LIX1: variants seen among roughly 807,000 people sequenced by gnomAD.
The protein encoded by LIX1 is protein limb expression 1 homolog.
A neutral mutation model predicts 33.4 loss-of-function variants in LIX1; 24 were observed. The ratio of observed to expected loss-of-function variants is 0.72; its 90% CI spans 0.52 to 1.01. The LOEUF (loss-of-function observed/expected upper bound fraction) is 1.01, where lower values mean the gene tolerates loss of function less well. Among genes scored for constraint, LIX1 ranks in the 50% least tolerant of loss-of-function variants. The pLI, the probability that LIX1 is intolerant of heterozygous loss-of-function variation, is 0.00. For missense variants in LIX1, 311 were observed against 339.2 expected (o/e 0.92, Z 0.65); for synonymous variants, 124 against 124.0 (o/e 1.00, Z 0.00).
rs1476549137 is a variant in LIX1, at chr5:97,094,947, G to A, written c.650C>T (p.Ser217Leu). 5 of 1,614,030 alleles carry A rather than the reference G, an allele frequency of 3.1e-6. No homozygotes were observed. Among genetic ancestry groups the A allele is most frequent in the Non-Finnish European group, 3.4e-6 (4 of 1,180,040 alleles). The change falls in exon 6 of 6, where the codon TCA (serine) becomes TTA (leucine). Residue 217 changes from serine (S) to leucine (L), a missense_variant. By Grantham distance (145) the Ser-to-Leu change is moderately radical. Coordinates refer to ENST00000274382, the MANE Select transcript of LIX1 (RefSeq NM_153234.5). ...ALDWIMKERDSPGIVSQELRM... is the reference protein window; with the variant it reads ...ALDWIMKERDLPGIVSQELRM... ...TAGCTCTTGAGAGACAATTCCTGGT[G>A]AGTCCCGCTCCTTCATGATCCAGTC...
chr5:97,096,964 A>G (rs1746413517), intron 4 of LIX1, 77 bp from the exon 5 acceptor site: 1 of 1,033,228 alleles, frequency 9.7e-7, no homozygotes, highest in African/African-American at 1.6e-5. Flanking sequence ...GCATAACTCT[A>G]ATTCCCAAAT....
rs144706618 is a variant in LIX1 at position 97,132,821 on chromosome 5, T to C, written c.83-8192A>G. 2.4e-3 allele frequency among the ~76,000 whole-genome samples: 363 copies of C among 152,242 alleles called. 1 individual carries two copies. The highest frequency in any genetic ancestry group is 8.5e-3 in the African/African-American group (355 of 41,526). On this transcript the variant is annotated intron_variant, in intron 1 of 5. Transcript: ENST00000274382. ...ATCTGGGTGAGCCCAAGGTAGAACATTTCTCTGAGAGGGGCCTGGACAGAA... is the reference window on the plus strand; with the variant it reads ...ATCTGGGTGAGCCCAAGGTAGAACACTTCTCTGAGAGGGGCCTGGACAGAA...
At chr5:97,105,911 G>A (rs964281769) in intron 3 of LIX1, among the ~76,000 whole-genome samples, 10 of 152,214 alleles carry the variant, frequency 6.6e-5, no homozygotes, top group Non-Finnish European at 1.3e-4. Context: ...CGTGGCTTTT[G>A]GGCCAGCCCT....
intron 1 of LIX1, among the ~76,000 whole-genome samples, chr5:97,129,443 G>T (rs1748006135): frequency 6.6e-6 from 1 of 151,998 alleles, no homozygotes. Context: ...ATGCCTTGCT[G>T]TAGGAAGAAG....
intron 4 of LIX1, among the ~76,000 whole-genome samples, chr5:97,100,099 A>G (rs923554145): frequency 6.6e-5 from 10 of 152,088 alleles, no homozygotes; most frequent in African/African-American, 2.4e-4. Flanking sequence ...TCTTTTTCTT[A>G]TCTATACACT....
At chr5:97,111,762 A>G (rs933703126) in intron 2 of LIX1, among the ~76,000 whole-genome samples, 2 of 152,224 alleles carry the variant, frequency 1.3e-5, no homozygotes, top group Non-Finnish European at 2.9e-5. Context: ...AAATAAGACC[A>G]GTTAAGTACT....
chr5:97,130,725 A>G (rs1748036992), intron 1 of LIX1, among the ~76,000 whole-genome samples: 1 of 152,238 alleles, frequency 6.6e-6, no homozygotes, highest in African/African-American at 2.4e-5. Flanking sequence ...GTTAGGAGGA[A>G]TATTAATAAT....
At chr5:97,111,347 G>T (rs75568157) in intron 2 of LIX1, among the ~76,000 whole-genome samples, 1 of 151,972 alleles carries the variant, frequency 6.6e-6, no homozygotes, top group Non-Finnish European at 1.5e-5. Context: ...TTAAATGAGC[G>T]CAATTTCAAT....
intron 1 of LIX1, among the ~76,000 whole-genome samples, chr5:97,125,463 A>G (rs1747893502): frequency 6.6e-6 from 1 of 152,230 alleles, no homozygotes; most frequent in Non-Finnish European, 1.5e-5. Context: ...AGCATTCCTG[A>G]CAGCTGCTCA....
chr5:97,132,008 T>C (rs1748066215), intron 1 of LIX1, among the ~76,000 whole-genome samples: 2 of 152,212 alleles, frequency 1.3e-5, no homozygotes, highest in African/African-American at 4.8e-5. Flanking sequence ...CTTAGGAAAC[T>C]CCTGAACAGG....
intron 1 of LIX1, among the ~76,000 whole-genome samples, chr5:97,141,480 G>T (rs773621101): frequency 2.6e-5 from 4 of 152,148 alleles, no homozygotes; most frequent in Non-Finnish European, 5.9e-5. Flanking sequence ...AAAATTTATA[G>T]AATTAAATGG....
At chr5:97,113,086 A>G (rs1452104944) in intron 2 of LIX1, among the ~76,000 whole-genome samples, 3 of 152,218 alleles carry the variant, frequency 2.0e-5, no homozygotes, top group African/African-American at 4.8e-5. Flanking sequence ...CAAGAGGAAA[A>G]GTCACTGCCT....
chr5:97,109,999 G>A (rs956342834), intron 2 of LIX1, among the ~76,000 whole-genome samples: 10 of 152,212 alleles, frequency 6.6e-5, no homozygotes, highest in African/African-American at 2.4e-4. Flanking sequence ...AGGCACTTAG[G>A]TTGGTTCCAT....
rs1257063812 is a variant in LIX1, at chr5:97,092,136, C to A, written c.*2612G>T. ...TGACAGTGTATGTTGTGTTCAAAAT[C>A]AACAGTTCTAAACAAGAATCTAAAG... On this transcript the variant is annotated 3_prime_UTR_variant, in exon 6 of 6. Coordinates refer to ENST00000274382, the MANE Select transcript of LIX1 (RefSeq NM_153234.5). 1 of 152,076 alleles carries A rather than the reference C, an allele frequency of 6.6e-6. No individual in the cohort carries two copies. The highest frequency in any genetic ancestry group is 2.1e-4 in the South Asian group (1 of 4,830). The allele number at this position is 152,076 out of a possible 1,614,324, so 9.4% of individuals were successfully genotyped here. A position where few individuals can be genotyped will look rare whatever the true frequency, so the allele number is the denominator to read the frequency against.
In LIX1 at chr5:97,131,309, C is replaced by T. The variant is rs1748051729; in HGVS notation, c.83-6680G>A. On this transcript the variant is annotated intron_variant, in intron 1 of 5. Transcript: ENST00000274382. Reference sequence around the variant, plus strand: ...TTTTGAGTGTTGTGTCCTTTCCCTCCCTTCCTTCTATCCAGCTTACTCCCA... The same window carrying T: ...TTTTGAGTGTTGTGTCCTTTCCCTCTCTTCCTTCTATCCAGCTTACTCCCA... Among the ~76,000 whole-genome samples, 3 of 152,116 alleles carry T rather than the reference C, an allele frequency of 2.0e-5. No individual in the cohort carries two copies. In the South Asian group the frequency reaches 6.2e-4, roughly 32 times the overall value.
At chr5:97,101,563 C>T (rs1265248802) in intron 4 of LIX1, among the ~76,000 whole-genome samples, 3 of 152,164 alleles carry the variant, frequency 2.0e-5, no homozygotes, top group Admixed American at 6.5e-5. Flanking sequence ...CTTTCCTCTT[C>T]GGGGAAAATT....
chr5:97,135,459 T>A (rs1371809034), intron 1 of LIX1, among the ~76,000 whole-genome samples: 1 of 152,222 alleles, frequency 6.6e-6, no homozygotes, highest in Non-Finnish European at 1.5e-5. Context: ...ATGTACCCTA[T>A]TTATCCAATC....
chr5:97,142,572 T>C lies in LIX1; in HGVS notation c.5A>G (p.Asp2Gly). M[D>G]RTLESLRHII... ...GTGTCTCAGAGATTCCAAGGTTCTG[T>C]CCATCTTGGGTCTGCCTGTGTGAGC... The change falls in exon 1 of 6, where the codon GAC (aspartate) becomes GGC (glycine). Residue 2 changes from aspartate to glycine, a missense_variant. Coordinates refer to ENST00000274382, the MANE Select transcript of LIX1 (RefSeq NM_153234.5). 1 of 1,613,856 alleles carries C rather than the reference T, an allele frequency of 6.2e-7. No individual in the cohort carries two copies. The highest frequency in any genetic ancestry group is 8.5e-7 in the Non-Finnish European group (1 of 1,179,720).
chr5:97,106,405 A>G (rs991640270), intron 3 of LIX1, among the ~76,000 whole-genome samples: 1 of 152,188 alleles, frequency 6.6e-6, no homozygotes, highest in African/African-American at 2.4e-5. Flanking sequence ...AAGATTTATG[A>G]GGGGAAAAGG....
Sources: allele counts gnomAD v4.1 joint callset (sites outside exome capture counted in the v4.1 genomes callset), GRCh38; gene constraint gnomAD v4.1.1; transcripts MANE v1.5; gene names NCBI Gene and HGNC (gene_info 2026-07-23, HGNC 2026-07-21).